The following CDC5L variants were observed in gnomAD, a reference collection of about 807,000 sequenced individuals.
The protein encoded by CDC5L is cell division cycle 5-like protein.
A neutral mutation model predicts 104.1 loss-of-function variants in CDC5L; 18 were observed. That is an observed-to-expected ratio of 0.17 (90% CI 0.12 to 0.26). The LOEUF is 0.26. Among genes scored for constraint, CDC5L ranks in the 10% least tolerant of loss-of-function variants. CDC5L has a pLI of 1.00. For missense variants in CDC5L, 673 were observed against 956.9 expected (o/e 0.70, Z 3.91); for synonymous variants, 331 against 322.7 (o/e 1.03, Z -0.28).
intron 8 of CDC5L, among the ~76,000 whole-genome samples, chr6:44,410,921 G>A (rs570655700): frequency 6.6e-6 from 1 of 150,716 alleles, no homozygotes; most frequent in South Asian, 2.1e-4. Context: ...ATTTGTAGGA[G>A]GTTTTCTCAA....
At chr6:44,405,669 C>G (rs1337953769) in intron 6 of CDC5L, among the ~76,000 whole-genome samples, 2 of 151,958 alleles carry the variant, frequency 1.3e-5, no homozygotes, top group Non-Finnish European at 2.9e-5. Flanking sequence ...ATACTTTTTC[C>G]TATGTGCACA....
At chr6:44,433,890 A>G (rs1792803184) in intron 14 of CDC5L, among the ~76,000 whole-genome samples, 1 of 152,220 alleles carries the variant, frequency 6.6e-6, no homozygotes, top group Admixed American at 6.5e-5. Context: ...TTAATACTTT[A>G]AAGAGGGAAA....
intron 7 of CDC5L, 24 bp downstream of exon 7, chr6:44,406,491 T>C (rs775433278): frequency 1.9e-6 from 3 of 1,590,366 alleles, no homozygotes; most frequent in South Asian, 2.3e-5. Context: ...AGCAAATTTT[T>C]CACTATGTGA....
chr6:44,399,402 C>G (rs1032109350), intron 5 of CDC5L, among the ~76,000 whole-genome samples: 1 of 152,172 alleles, frequency 6.6e-6, no homozygotes, highest in African/African-American at 2.4e-5. Context: ...TTCAAAATTT[C>G]AGCCATTATA....
intron 5 of CDC5L, among the ~76,000 whole-genome samples, chr6:44,400,577 A>G (rs999406679): frequency 3.3e-5 from 5 of 152,096 alleles, no homozygotes; most frequent in South Asian, 2.1e-4. Flanking sequence ...TAATAAAGAC[A>G]GGGTTTCCCC....
intron 14 of CDC5L, among the ~76,000 whole-genome samples, chr6:44,443,463 A>C (rs949404954): frequency 6.6e-6 from 1 of 151,594 alleles, no homozygotes; most frequent in African/African-American, 2.4e-5. Context: ...TCCTTCTGGC[A>C]CCTGATAATG....
Position 44,404,092 on chromosome 6 carries a change from G to A in CDC5L, c.758+65G>A, listed in dbSNP as rs11571944. Reference sequence around the variant, plus strand: ...TAGGAGGAGTCTTACGAAGGGCCAAGTATTATCCTTGTCAGAGCCAGATTT... The same window carrying A: ...TAGGAGGAGTCTTACGAAGGGCCAAATATTATCCTTGTCAGAGCCAGATTT... On this transcript the variant is annotated intron_variant, in intron 6 of 15. Coordinates refer to ENST00000371477, the MANE Select transcript of CDC5L (RefSeq NM_001253.4). The A allele has an allele frequency of 8.6e-4, 925 of 1,077,626 alleles. 6 individuals are homozygous for A. In the African/African-American group the frequency reaches 0.013, roughly 15 times the overall value. 66.8% of individuals were successfully genotyped at this position (1,077,626 alleles called of 1,614,324 possible).
intron 14 of CDC5L, among the ~76,000 whole-genome samples, chr6:44,437,973 A>C (rs1793010817): frequency 6.6e-6 from 1 of 152,136 alleles, no homozygotes; most frequent in Non-Finnish European, 1.5e-5. Context: ...TTTTGGAGAC[A>C]GGGTCTTTCT....
intron 14 of CDC5L, among the ~76,000 whole-genome samples, chr6:44,433,518 T>G (rs1421940371): frequency 2.0e-5 from 3 of 152,216 alleles, no homozygotes; most frequent in Non-Finnish European, 2.9e-5. Flanking sequence ...AAATAGTATC[T>G]AAACTGCTGT....
rs192829086 is a variant in CDC5L at position 44,434,951 on chromosome 6, T to C, written c.2091+5041T>C. On this transcript the variant is annotated intron_variant, in intron 14 of 15. Transcript: ENST00000371477. ...CTTCTATGCATTTAAAAAAATAACATTTCTAGGCGTCTTTCTATAAATAAT... is the reference window on the plus strand; with the variant it reads ...CTTCTATGCATTTAAAAAAATAACACTTCTAGGCGTCTTTCTATAAATAAT... 3.2e-3 allele frequency among the ~76,000 whole-genome samples: 490 copies of C among 152,222 alleles called. 4 individuals are homozygous for C. The highest frequency in any genetic ancestry group is 0.011 in the African/African-American group (458 of 41,532).
intron 13 of CDC5L, among the ~76,000 whole-genome samples, chr6:44,428,088 G>C (rs1792507315): frequency 6.6e-6 from 1 of 152,168 alleles, no homozygotes; most frequent in Non-Finnish European, 1.5e-5. Context: ...ATAGTTTAAA[G>C]ATAACTTAGC....
intron 7 of CDC5L, 69 bp from the exon 8 acceptor site, chr6:44,408,375 T>C: frequency 7.8e-7 from 1 of 1,275,948 alleles, no homozygotes; most frequent in Non-Finnish European, 1.1e-6. Context: ...GTGTTGGGAT[T>C]ACAAGTGTGA....
chr6:44,429,483 T>G (rs1482524254), intron 13 of CDC5L, among the ~76,000 whole-genome samples: 1 of 152,162 alleles, frequency 6.6e-6, no homozygotes, highest in African/African-American at 2.4e-5. Flanking sequence ...CAAAGGATGT[T>G]TATACTTTTG....
chr6:44,419,970 C>T (rs1792087923), intron 9 of CDC5L, among the ~76,000 whole-genome samples: 1 of 152,120 alleles, frequency 6.6e-6, no homozygotes, highest in Admixed American at 6.5e-5. Context: ...GCTTCGGATC[C>T]TATCACGTTA....
intron 5 of CDC5L, among the ~76,000 whole-genome samples, chr6:44,399,620 C>G (rs536642339): frequency 6.6e-6 from 1 of 152,202 alleles, no homozygotes; most frequent in Non-Finnish European, 1.5e-5. Flanking sequence ...ACTGTTGAGC[C>G]TCTCTAGTGA....
At chr6:44,433,387 T>G (rs1242159606) in intron 14 of CDC5L, among the ~76,000 whole-genome samples, 3 of 152,188 alleles carry the variant, frequency 2.0e-5, no homozygotes, top group Admixed American at 6.5e-5. Flanking sequence ...TGTTTCTACT[T>G]TAAGTGGAAA....
rs765131358 is a variant in CDC5L, at chr6:44,392,652, A to T, written c.150-15A>T. On this transcript the variant is annotated splice_polypyrimidine_tract_variant and intron_variant, in intron 2 of 15. Coordinates refer to ENST00000371477, the MANE Select transcript of CDC5L (RefSeq NM_001253.4). ...AGGTAACTGATTAATATATAAAATGATCTATGTTTAATAGGTATGAATGGC... is the reference window on the plus strand; with the variant it reads ...AGGTAACTGATTAATATATAAAATGTTCTATGTTTAATAGGTATGAATGGC... The T allele has an allele frequency of 6.2e-7, 1 of 1,609,086 alleles. No individual in the cohort carries two copies. Among genetic ancestry groups the T allele is most frequent in the Admixed American group, 1.7e-5 (1 of 59,746 alleles).
chr6:44,395,874 C>G (rs1304748450), intron 4 of CDC5L, among the ~76,000 whole-genome samples: 1 of 151,866 alleles, frequency 6.6e-6, no homozygotes, highest in African/African-American at 2.4e-5. Context: ...AGAAATTGTT[C>G]TGAGGGGAAA....
At chr6:44,431,514 A>C (rs975302064) in intron 14 of CDC5L, among the ~76,000 whole-genome samples, 13 of 152,184 alleles carry the variant, frequency 8.5e-5, no homozygotes, top group African/African-American at 3.1e-4. Flanking sequence ...TTATATATAA[A>C]TACTTAGGTT....
Sources: gnomAD v4.1 joint callset for allele counts (sites outside exome capture counted in the v4.1 genomes callset) on GRCh38, gnomAD v4.1.1 for gene constraint, MANE v1.5 for transcripts, NCBI Gene and HGNC (gene_info 2026-07-23, HGNC 2026-07-21) for gene names.